The following ARMCX4 variants were observed in gnomAD, a reference collection of about 807,000 sequenced individuals.
ARMCX4 encodes armadillo repeat containing X-linked 4, also known as armadillo repeat-containing X-linked protein 4.
ARMCX4 carries 3 observed loss-of-function variants against 34.7 expected under a neutral mutation model. The observed-to-expected ratio is 0.09, with a 90% CI of 0.04 to 0.22. The LOEUF is 0.22. Ranked by LOEUF, ARMCX4 falls within the 10% of genes least tolerant of loss-of-function variation. ARMCX4 has a pLI of 1.00. For missense variants in ARMCX4, 1,448 were observed against 1,720.8 expected (o/e 0.84, Z 2.81); for synonymous variants, 513 against 632.8 (o/e 0.81, Z 2.84).
chrX:101,516,489 G>A (rs912976895), intron 11 of ARMCX4: 1 of 111,562 alleles, frequency 9.0e-6, no homozygotes, highest in Non-Finnish European at 1.9e-5. Context: ...GCTAAAGAAC[G>A]TTCAATTCCT....
chrX:101,468,376 G>A lies in ARMCX4; in HGVS notation c.-472-17647G>A, dbSNP rs376514395. 6.6e-5 allele frequency among the ~76,000 whole-genome samples: 7 copies of A among 106,662 alleles called. No individual in the cohort carries two copies. In the Admixed American group the frequency reaches 7.1e-4, roughly 11 times the overall value. 92.6% of individuals were successfully genotyped at this position (106,662 alleles called of 115,157 possible). A position where few individuals can be genotyped will look rare whatever the true frequency, so the allele number is the denominator to read the frequency against. ...TGTGATCATGGCTCACTGCAGCCTC[G>A]GCCTTCCTGGGTCCAGGTGATCCTC... On this transcript the variant is annotated intron_variant and NMD_transcript_variant, in intron 4 of 15. Transcript: ENST00000433011.
chrX:101,516,126 A>T (rs1275577327), intron 11 of ARMCX4, among the ~76,000 whole-genome samples: 1 of 111,779 alleles, frequency 8.9e-6, no homozygotes, highest in African/African-American at 3.3e-5. Context: ...AGATGATGGG[A>T]CATAGCTTCT....
intron 2 of ARMCX4, among the ~76,000 whole-genome samples, chrX:101,436,582 G>A (rs1352718597): frequency 3.6e-5 from 4 of 111,223 alleles, no homozygotes; most frequent in African/African-American, 9.8e-5. Context: ...CAATCATGTC[G>A]TCCGCAAACA....
At position 101,515,472 on chromosome X, in the gene ARMCX4, TC is replaced by T. The variant is rs1556017676; in HGVS notation, c.*1780+4420del. Among the ~76,000 whole-genome samples the T allele has an allele frequency of 2.3e-4, 12 of 51,806 alleles. 1 individual carries two copies. The South Asian group carries it at 0.021, about 93-fold the overall frequency. 45.0% of individuals were successfully genotyped at this position (51,806 alleles called of 115,157 possible). A position where few individuals can be genotyped will look rare whatever the true frequency, so the allele number is the denominator to read the frequency against. On this transcript the variant is annotated intron_variant and NMD_transcript_variant, in intron 11 of 12. Transcript: ENST00000354842. ...CTTCCTTCCTTCCTTCCTTCCTCCC[TC>T]CCTCCCTCCCTCCCTCCCTCTCTCT...
chrX:101,480,338 T>A (rs1417751945), intron 4 of ARMCX4, among the ~76,000 whole-genome samples: 2 of 110,413 alleles, frequency 1.8e-5, no homozygotes, highest in African/African-American at 6.6e-5. Flanking sequence ...GAGGTCTGGG[T>A]GGGAGGATCT....
At chrX:101,475,041 G>A (rs939239612) in intron 4 of ARMCX4, among the ~76,000 whole-genome samples, 3 of 110,130 alleles carry the variant, frequency 2.7e-5, no homozygotes, top group Non-Finnish European at 5.7e-5. Context: ...AGGCACGGTG[G>A]CTCATGCCTT....
intron 11 of ARMCX4, among the ~76,000 whole-genome samples, chrX:101,512,767 T>C (rs781994728): frequency 9.5e-6 from 1 of 105,372 alleles, no homozygotes; most frequent in South Asian, 4.2e-4. Context: ...TACATATATA[T>C]ACACACATAT....
At chrX:101,499,442 A>G (rs1934248970), downstream of ARMCX4, 1 of 111,763 alleles carries the variant, frequency 8.9e-6, no homozygotes, top group African/African-American at 3.3e-5. Context: ...GGAGGATCCA[A>G]AGGACAAACC....
chrX:101,520,317 A>T (rs782052759), intron 11 of ARMCX4, among the ~76,000 whole-genome samples: 1 of 112,129 alleles, frequency 8.9e-6, no homozygotes, highest in East Asian at 2.8e-4. Context: ...TAGGACCTCC[A>T]CTAAAATGGT....
chrX:101,494,696 C>G lies in ARMCX4; in HGVS notation c.6107C>G (p.Ala2036Gly), dbSNP rs1556011329. The part of the protein sequence containing the change: ...RPWSCRCKHE[A>G]NMDPRDLEKL... ...TGGTCTTGCCGCTGTAAACACGAAG[C>G]TAATATGGATCCACGAGATCTTGAA... is the stretch of plus-strand genomic sequence containing the variant. Residue 2036 changes from alanine to glycine, a missense_variant, in exon 6 of 6, where the codon GCT becomes GGT. Physicochemically the swap from Ala to Gly is moderately conservative, Grantham distance 60. This residue lies in a region of ARMCX4 where 1,343 missense variants were observed against 1,540.7 expected (regional missense o/e 0.87). Coordinates refer to ENST00000423738, the MANE Select transcript of ARMCX4 (RefSeq NM_001256155.3). 1 of 1,155,607 alleles carries G rather than the reference C, an allele frequency of 8.7e-7. No homozygotes were observed. The highest frequency in any genetic ancestry group is 1.9e-5 in the South Asian group (1 of 52,707).
intron 2 of ARMCX4, among the ~76,000 whole-genome samples, chrX:101,440,421 GA>G (rs1197782352): frequency 8.9e-6 from 1 of 112,163 alleles, no homozygotes; most frequent in Non-Finnish European, 1.9e-5. Context: ...GCTACTCGGG[GA>G]CCAGGGACCC....
At chrX:101,506,918 T>A (rs1354875565) in intron 8 of ARMCX4, among the ~76,000 whole-genome samples, 2 of 112,185 alleles carry the variant, frequency 1.8e-5, no homozygotes, top group African/African-American at 6.5e-5. Flanking sequence ...AAATTACTTT[T>A]AATTCCAGAT....
chrX:101,473,628 C>G (rs1317007716), intron 4 of ARMCX4, among the ~76,000 whole-genome samples: 1 of 109,260 alleles, frequency 9.2e-6, no homozygotes, highest in African/African-American at 3.3e-5. Flanking sequence ...ACAGTGCAAT[C>G]AAACTAGAAC....
At chrX:101,467,562 T>C (rs1443884394) in intron 4 of ARMCX4, among the ~76,000 whole-genome samples, 1 of 112,298 alleles carries the variant, frequency 8.9e-6, no homozygotes, top group African/African-American at 3.2e-5. Flanking sequence ...CTGGTGATGA[T>C]GATATAATTC....
At chrX:101,470,260 T>C (rs1556002747) in intron 4 of ARMCX4, among the ~76,000 whole-genome samples, 1 of 112,311 alleles carries the variant, frequency 8.9e-6, no homozygotes, top group Admixed American at 9.4e-5. Flanking sequence ...AATGGAATCC[T>C]GCAATACTCT....
chrX:101,431,567 A>ACACACACAC (rs1930003943), intron 2 of ARMCX4, among the ~76,000 whole-genome samples: 1 of 111,168 alleles, frequency 9.0e-6, no homozygotes, highest in African/African-American at 3.3e-5. Flanking sequence ...TTTTTGAGAC[A>ACACACACAC]GAGTCTCGCT....
At chrX:101,435,490 A>AT (rs1195017786) in intron 2 of ARMCX4, among the ~76,000 whole-genome samples, 3 of 110,463 alleles carry the variant, frequency 2.7e-5, no homozygotes, top group Non-Finnish European at 5.7e-5. Flanking sequence ...AGGTTGTTTG[A>AT]TTTTTTTCTT....
At chrX:101,446,567 T>A (rs1017542877), downstream of ARMCX4, among the ~76,000 whole-genome samples, 7 of 111,787 alleles carry the variant, frequency 6.3e-5, no homozygotes, top group Admixed American at 1.9e-4. Flanking sequence ...AAAATAATAA[T>A]TTTTTATTAT....
At position 101,486,516 on chromosome X, in the gene ARMCX4, G is replaced by T. The variant is rs1302536325; in HGVS notation, c.-367+424G>T. ...GTGGTTCTAGAGTATGGGATCTGGG[G>T]TCTCCCATCTCTCCTGCCATCCTTC... On this transcript the variant is annotated intron_variant, in intron 2 of 5. Transcript: ENST00000423738. Among the ~76,000 whole-genome samples the T allele has an allele frequency of 2.7e-5, 3 of 110,197 alleles. No homozygotes were observed. In the East Asian group the frequency reaches 8.5e-4, roughly 31 times the overall value.
Sources: allele counts gnomAD v4.1 joint callset (sites outside exome capture counted in the v4.1 genomes callset), GRCh38; gene constraint gnomAD v4.1.1; regional missense constraint gnomAD v4.1.1; transcripts MANE v1.5; gene names NCBI Gene and HGNC (gene_info 2026-07-23, HGNC 2026-07-21).